CSMD2: variants seen among roughly 807,000 people sequenced by gnomAD.
The protein encoded by CSMD2 is CUB and sushi domain-containing protein 2.
CSMD2 carries 130 observed loss-of-function variants against 398.5 expected under a neutral mutation model. The observed-to-expected ratio is 0.33, with a 90% CI of 0.28 to 0.38. The LOEUF (loss-of-function observed/expected upper bound fraction) is 0.38. Ranked by LOEUF, CSMD2 falls within the 10% of genes least tolerant of loss-of-function variation. The probability of loss-of-function intolerance (pLI) is 1.00; values close to 1 mark genes in which losing one functional copy is unlikely to be tolerated. For missense variants in CSMD2, 3,829 were observed against 4,764.9 expected, an observed-to-expected ratio of 0.80 and a Z score of 5.78; for synonymous variants, 1,828 against 1,908.5, an observed-to-expected ratio of 0.96 and a Z score of 1.10.
chr1:34,062,153 A>G (rs764821668), intron 2 of CSMD2, among the ~76,000 whole-genome samples: 81 of 152,212 alleles, frequency 5.3e-4, no homozygotes, highest in Non-Finnish European at 1.2e-4. Context: ...AAAATCAGCA[A>G]GAGCACATTT....
At chr1:33,779,777 G>A (rs748557442) in intron 12 of CSMD2, among the ~76,000 whole-genome samples, 5 of 152,340 alleles carry the variant, frequency 3.3e-5, no homozygotes, top group East Asian at 1.9e-4. Context: ...AATTTTGGGC[G>A]TGTGTTTCCC....
rs762760632 is a variant in CSMD2, at chr1:33,617,561, C to T, written c.5884G>A (p.Gly1962Ser). Residue 1962 changes from glycine to serine, a missense_variant, in exon 38 of 71, where the codon GGC becomes AGC. By Grantham distance (56) the Gly-to-Ser change is moderately conservative (BLOSUM62 0). Coordinates refer to ENST00000373381, the MANE Select transcript of CSMD2 (RefSeq NM_001281956.2). ...PAVPSNGVKT[G>S]ERYLVNDVVS... is the part of the protein sequence containing the mutation. ...ACATCATTCACCAAGTAGCGCTCGC[C>T]AGTCTTCACCCCGTTACTGGGCACA... 2.5e-6 allele frequency: 4 copies of T among 1,614,036 alleles called. No homozygotes were observed. In the South Asian group the frequency reaches 3.3e-5, roughly 13 times the overall value.
chr1:33,798,133 G>C (rs559898399), intron 10 of CSMD2, among the ~76,000 whole-genome samples: 4 of 152,208 alleles, frequency 2.6e-5, no homozygotes, highest in Admixed American at 1.3e-4. Context: ...TTAAAGACAG[G>C]CTCCTATAAT....
chr1:34,105,160 C>T (rs1660407790), intron 1 of CSMD2, among the ~76,000 whole-genome samples: 1 of 152,138 alleles, frequency 6.6e-6, no homozygotes. Flanking sequence ...TCTTAACAAT[C>T]GGAGAGATTT....
intron 5 of CSMD2, chr1:33,882,038 G>A (rs974543423): frequency 1.3e-5 from 2 of 152,106 alleles, no homozygotes; most frequent in Non-Finnish European, 2.9e-5. Context: ...TTTTGCACCA[G>A]CCTCTCACTA....
At chr1:33,948,709 C>G (rs1322481074) in intron 3 of CSMD2, among the ~76,000 whole-genome samples, 1 of 152,180 alleles carries the variant, frequency 6.6e-6, no homozygotes, top group Non-Finnish European at 1.5e-5. Context: ...CCAGAACAGC[C>G]CTCAGAAGCC....
intron 13 of CSMD2, among the ~76,000 whole-genome samples, chr1:33,766,915 C>T (rs1028385774): frequency 7.2e-5 from 11 of 152,128 alleles, no homozygotes; most frequent in African/African-American, 2.7e-4. Context: ...GCATTATGAA[C>T]CGACACCATA....
chr1:33,697,817 C>G (rs938144921), intron 24 of CSMD2, among the ~76,000 whole-genome samples: 8 of 152,258 alleles, frequency 5.3e-5, no homozygotes, highest in African/African-American at 1.9e-4. Context: ...GGGCAGTGAA[C>G]AGGTTTTATT....
chr1:33,608,356 G>C (rs974941690), intron 41 of CSMD2, among the ~76,000 whole-genome samples: 1 of 152,158 alleles, frequency 6.6e-6, no homozygotes, highest in Non-Finnish European at 1.5e-5. Context: ...CACAGTGCAC[G>C]GGGTGGGCCC....
intron 12 of CSMD2, among the ~76,000 whole-genome samples, chr1:33,779,677 C>T (rs1209432828): frequency 6.6e-6 from 1 of 152,210 alleles, no homozygotes; most frequent in Non-Finnish European, 1.5e-5. Context: ...GTGGGACCTT[C>T]TTTCGAATCG....
intron 23 of CSMD2, among the ~76,000 whole-genome samples, chr1:33,699,569 C>G (rs1645537468): frequency 6.6e-6 from 1 of 152,168 alleles, no homozygotes; most frequent in Admixed American, 6.5e-5. Flanking sequence ...GTCTCTAATC[C>G]TCTTCCACTG....
intron 12 of CSMD2, 144 bp from the exon 13 acceptor site, chr1:33,772,895 A>G: frequency 1.5e-6 from 1 of 676,152 alleles, no homozygotes; most frequent in Non-Finnish European, 2.5e-6. Context: ...ACGTTCTTAT[A>G]AGGAATGAGG....
At chr1:33,866,015 T>A (rs1640005413) in intron 5 of CSMD2, among the ~76,000 whole-genome samples, 1 of 152,254 alleles carries the variant, frequency 6.6e-6, no homozygotes, top group Non-Finnish European at 1.5e-5. Context: ...GTCACCAGTT[T>A]ATACATGCAA....
chr1:34,165,603 C>A, upstream of CSMD2: 8 of 629,504 alleles, frequency 1.3e-5, no homozygotes, highest in South Asian at 1.9e-5. Context: ...CACACAAACA[C>A]ACACACACAC....
At chr1:33,984,034 G>T (rs1646261705) in intron 3 of CSMD2, among the ~76,000 whole-genome samples, 2 of 152,066 alleles carry the variant, frequency 1.3e-5, no homozygotes, top group Admixed American at 6.5e-5. Flanking sequence ...CATGCCTGTA[G>T]TCCCAGCTAC....
intron 25 of CSMD2, among the ~76,000 whole-genome samples, chr1:33,670,982 G>T (rs1039888057): frequency 2.0e-5 from 3 of 152,150 alleles, no homozygotes; most frequent in East Asian, 1.9e-4. Flanking sequence ...TGAAGGGGGT[G>T]GGTGAGGAGG....
chr1:33,728,333 CT>C (rs11302718), intron 15 of CSMD2, among the ~76,000 whole-genome samples: 63,174 of 149,694 alleles, frequency 0.42, 15,430 homozygotes, highest in African/African-American at 0.68. Flanking sequence ...ACCCAATCCT[CT>C]TTTTTTTTTA....
intron 37 of CSMD2, among the ~76,000 whole-genome samples, chr1:33,618,015 A>AAGGCAGAGAGACAG (rs1641505171): frequency 6.8e-6 from 1 of 147,958 alleles, no homozygotes; most frequent in Non-Finnish European, 1.5e-5. Context: ...CCTGTGGGCT[A>AAGGCAGAGAGACAG]AGACAGAGAG....
chr1:33,847,853 GGATTAAA>G (rs1638387899), intron 5 of CSMD2, among the ~76,000 whole-genome samples: 1 of 152,084 alleles, frequency 6.6e-6, no homozygotes, highest in African/African-American at 2.4e-5. Context: ...AAGCTTGCAA[GGATTAAA>G]TGAGATAATA....
Sources: allele counts gnomAD v4.1 joint callset (sites outside exome capture counted in the v4.1 genomes callset), GRCh38; gene constraint gnomAD v4.1.1; transcripts MANE v1.5; gene names NCBI Gene and HGNC (gene_info 2026-07-23, HGNC 2026-07-21).